The following PPP2R2B variants were observed in gnomAD, a reference collection of about 807,000 sequenced individuals.
PPP2R2B encodes serine/threonine-protein phosphatase 2A 55 kDa regulatory subunit B beta isoform.
In PPP2R2B, 5 loss-of-function variants were observed where a neutral mutation model predicts 46.0. The ratio of observed to expected loss-of-function variants is 0.11; its 90% confidence interval spans 0.06 to 0.23. PPP2R2B has a LOEUF of 0.23. PPP2R2B is among the 10% of genes least tolerant of loss of function. The pLI is 1.00. For missense variants in PPP2R2B, 367 were observed against 575.0 expected, an observed-to-expected ratio of 0.64 and a Z score of 3.70; for synonymous variants, 215 against 206.7, an observed-to-expected ratio of 1.04 and a Z score of -0.34.
At chr5:146,715,560 T>C (rs1162954451) in intron 2 of PPP2R2B, among the ~76,000 whole-genome samples, 1 of 152,218 alleles carries the variant, frequency 6.6e-6, no homozygotes, top group Non-Finnish European at 1.5e-5. Flanking sequence ...CTGTGCTTTG[T>C]GTTTTATGTT....
rs58947506 is a variant in PPP2R2B, at chr5:146,912,512, C to CT, written c.79+143152dup. 8.9e-3 allele frequency among the ~76,000 whole-genome samples: 1,291 copies of CT among 144,476 alleles called. 22 individuals carry two copies. Among genetic ancestry groups the CT allele is most frequent in the African/African-American group, 0.029 (1,156 of 39,474 alleles). 94.8% of individuals were successfully genotyped at this position (144,476 alleles called of 152,430 possible). A position where few individuals can be genotyped will look rare whatever the true frequency, so the allele number is the denominator to read the frequency against. On this transcript the variant is annotated intron_variant, in intron 1 of 8. Transcript: ENST00000336640. The stretch of plus-strand genomic sequence containing the variant: ...CTTGTTCTTTCAACTTTTCTTTTTT[C>CT]TTTTTTTTTTTTTGTTTTTGAGACA...
chr5:146,836,179 G>T (rs183658545), intron 2 of PPP2R2B, among the ~76,000 whole-genome samples: 3 of 152,244 alleles, frequency 2.0e-5, no homozygotes, highest in East Asian at 3.9e-4. Context: ...CCATGCAGCT[G>T]CCAACAAATT....
chr5:147,078,492 A>G (rs1227754779), intron 2 of PPP2R2B, among the ~76,000 whole-genome samples: 2 of 152,134 alleles, frequency 1.3e-5, no homozygotes, highest in African/African-American at 4.8e-5. Context: ...AAACTCATTA[A>G]AACACATTGT....
chr5:146,865,108 C>A (rs1761231428), intron 2 of PPP2R2B, among the ~76,000 whole-genome samples: 1 of 152,022 alleles, frequency 6.6e-6, no homozygotes, highest in Admixed American at 6.6e-5. Flanking sequence ...ATTAGTATAG[C>A]AAATATTGGA....
At chr5:146,657,299 A>G (rs1776395087) in intron 5 of PPP2R2B, among the ~76,000 whole-genome samples, 1 of 152,200 alleles carries the variant, frequency 6.6e-6, no homozygotes. Context: ...AGCTCAGTAA[A>G]TTGACAGATT....
At chr5:147,055,884 G>A (rs565595209) in exon 1 of PPP2R2B, 26 of 1,451,042 alleles carry the variant, frequency 1.8e-5, no homozygotes, top group African/African-American at 1.1e-4. Flanking sequence ...GGTGCCCGAG[G>A]AATAACTGGA....
At chr5:146,771,505 G>A (rs948044649) in intron 2 of PPP2R2B, among the ~76,000 whole-genome samples, 3 of 152,148 alleles carry the variant, frequency 2.0e-5, no homozygotes, top group Non-Finnish European at 2.9e-5. Flanking sequence ...GTTTTGAGAA[G>A]GGTACATGTG....
At chr5:147,041,154 A>G (rs1756275815) in intron 1 of PPP2R2B, among the ~76,000 whole-genome samples, 2 of 152,128 alleles carry the variant, frequency 1.3e-5, no homozygotes, top group Non-Finnish European at 2.9e-5. Flanking sequence ...AGCTCACCCA[A>G]GGGTTTTGGG....
chr5:146,818,155 C>A (rs1387558509), intron 2 of PPP2R2B, among the ~76,000 whole-genome samples: 2 of 152,158 alleles, frequency 1.3e-5, no homozygotes, highest in Non-Finnish European at 2.9e-5. Context: ...TTTATATACT[C>A]CTTTTGTGAC....
intron 5 of PPP2R2B, among the ~76,000 whole-genome samples, chr5:146,668,131 T>C (rs1777125025): frequency 6.6e-6 from 1 of 152,206 alleles, no homozygotes; most frequent in African/African-American, 2.4e-5. Flanking sequence ...TCCTTTCTTA[T>C]ATGTACCCAC....
chr5:146,711,450 GTGTT>G (rs1780208524), intron 2 of PPP2R2B, among the ~76,000 whole-genome samples: 1 of 152,178 alleles, frequency 6.6e-6, no homozygotes, highest in Non-Finnish European at 1.5e-5. Flanking sequence ...GGAATAGTGA[GTGTT>G]TGATGATTTT....
At position 146,589,307 on chromosome 5, in the gene PPP2R2B, TTCTA is replaced by T. The variant is rs1770358904; in HGVS notation, c.*636_*639del. 1 of 152,404 alleles carries T rather than the reference TTCTA, an allele frequency of 6.6e-6. No individual in the cohort carries two copies. Among genetic ancestry groups the T allele is most frequent in the Non-Finnish European group, 1.5e-5 (1 of 68,156 alleles). The allele number at this position is 152,404 out of a possible 1,614,324, so 9.4% of individuals were successfully genotyped here. A position where few individuals can be genotyped will look rare whatever the true frequency, so the allele number is the denominator to read the frequency against. ...TTCCCTAGCCAAATTCTCAGGCTGT[TTCTA>T]TGGAGCTTACAAAAAAAGAGCATAG... On this transcript the variant is annotated 3_prime_UTR_variant, in exon 10 of 10. Coordinates refer to ENST00000394411, the MANE Select transcript of PPP2R2B (RefSeq NM_181675.4).
At chr5:147,041,996 C>A (rs1051374107) in intron 1 of PPP2R2B, among the ~76,000 whole-genome samples, 2 of 152,106 alleles carry the variant, frequency 1.3e-5, no homozygotes, top group East Asian at 3.9e-4. Flanking sequence ...TTAACTTGTG[C>A]AAGCTGACTC....
chr5:146,900,687 G>A (rs1762806213), intron 1 of PPP2R2B, among the ~76,000 whole-genome samples: 1 of 151,408 alleles, frequency 6.6e-6, no homozygotes, highest in Non-Finnish European at 1.5e-5. Context: ...TTGTTACTTA[G>A]GTAAATGTGT....
intron 1 of PPP2R2B, among the ~76,000 whole-genome samples, chr5:146,985,438 G>T (rs1753383895): frequency 1.3e-5 from 2 of 152,038 alleles, no homozygotes; most frequent in African/African-American, 4.8e-5. Context: ...TTTTGCTTTT[G>T]TTATCTGTGT....
chr5:146,823,667 G>A (rs190315680), intron 2 of PPP2R2B, among the ~76,000 whole-genome samples: 28 of 152,128 alleles, frequency 1.8e-4, no homozygotes, highest in Non-Finnish European at 2.8e-4. Flanking sequence ...CTTGGAAATG[G>A]ATTCAATCAT....
intron 2 of PPP2R2B, among the ~76,000 whole-genome samples, chr5:146,805,025 G>C (rs1049234412): frequency 1.3e-5 from 2 of 152,112 alleles, no homozygotes; most frequent in East Asian, 3.9e-4. Flanking sequence ...CATAAACAAC[G>C]GCAATTCTCC....
chr5:146,647,837 T>C (rs1224798748), intron 6 of PPP2R2B, among the ~76,000 whole-genome samples: 1 of 152,230 alleles, frequency 6.6e-6, no homozygotes, highest in Non-Finnish European at 1.5e-5. Flanking sequence ...ACACTCATTC[T>C]ATTAGCAGCT....
At chr5:146,711,813 C>A (rs1362969935) in intron 2 of PPP2R2B, among the ~76,000 whole-genome samples, 1 of 152,060 alleles carries the variant, frequency 6.6e-6, no homozygotes, top group Non-Finnish European at 1.5e-5. Context: ...GGTTGGGATA[C>A]AAGTACAATG....
Sources: gnomAD v4.1 joint callset for allele counts (sites outside exome capture counted in the v4.1 genomes callset) on GRCh38, gnomAD v4.1.1 for gene constraint, MANE v1.5 for transcripts, NCBI Gene and HGNC (gene_info 2026-07-23, HGNC 2026-07-21) for gene names.